The following SMURF2 variants were observed in gnomAD, a reference collection of about 807,000 sequenced individuals.
The protein encoded by SMURF2 is E3 ubiquitin-protein ligase SMURF2.
Under a neutral mutation model 109.6 loss-of-function variants are expected in SMURF2, and 48 were observed. The ratio of observed to expected loss-of-function variants is 0.44; its 90% CI spans 0.35 to 0.56. The LOEUF is 0.56. SMURF2 is among the 20% of genes least tolerant of loss of function. The pLI, the probability that SMURF2 is intolerant of heterozygous loss-of-function variation, is 0.01. For missense variants in SMURF2, 575 were observed against 909.0 expected (o/e 0.63, Z 4.72); for synonymous variants, 288 against 317.1 (o/e 0.91, Z 0.97).
chr17:64,617,315 A>T (rs1970140199), intron 1 of SMURF2, among the ~76,000 whole-genome samples: 1 of 152,082 alleles, frequency 6.6e-6, no homozygotes, highest in Non-Finnish European at 1.5e-5. Flanking sequence ...CTGCAAAACA[A>T]ACTAGGCCCT....
chr17:64,625,293 A>T (rs1970253384), intron 1 of SMURF2, among the ~76,000 whole-genome samples: 1 of 152,206 alleles, frequency 6.6e-6, no homozygotes, highest in Non-Finnish European at 1.5e-5. Context: ...AGATAAAGGG[A>T]ATCTGCAGTG....
At chr17:64,564,512 G>A (rs1555684784) in intron 10 of SMURF2, among the ~76,000 whole-genome samples, 1 of 152,130 alleles carries the variant, frequency 6.6e-6, no homozygotes, top group African/African-American at 2.4e-5. Context: ...TTGGAAATAA[G>A]GTCTTTGCAG....
chr17:64,633,487 G>A (rs1433845647), intron 1 of SMURF2, among the ~76,000 whole-genome samples: 1 of 151,984 alleles, frequency 6.6e-6, no homozygotes, highest in Non-Finnish European at 1.5e-5. Flanking sequence ...TTTATTAGCT[G>A]GGTAAAAATA....
chr17:64,543,350 C>G lies in SMURF2; in HGVS notation c.*2498G>C, dbSNP rs1555682798. 1 of 151,206 alleles carries G rather than the reference C, an allele frequency of 6.6e-6. No individual in the cohort carries two copies. The highest frequency in any genetic ancestry group is 1.5e-5 in the Non-Finnish European group (1 of 67,958). The allele number at this position is 151,206 out of a possible 1,614,324, so 9.4% of individuals were successfully genotyped here. ...AGTGCAGTGGTGCGATCTCGGCTCACTGCAATCTCTGCCTCCCAGATTCAA... is the reference window on the plus strand; with the variant it reads ...AGTGCAGTGGTGCGATCTCGGCTCAGTGCAATCTCTGCCTCCCAGATTCAA... On this transcript the variant is annotated 3_prime_UTR_variant, in exon 19 of 19. Coordinates refer to ENST00000262435, the MANE Select transcript of SMURF2 (RefSeq NM_022739.4).
chr17:64,659,648 C>G (rs1489634815), intron 1 of SMURF2, among the ~76,000 whole-genome samples: 1 of 151,880 alleles, frequency 6.6e-6, no homozygotes, highest in African/African-American at 2.4e-5. Flanking sequence ...ACAGCCCTGT[C>G]ATTTATCCAG....
chr17:64,549,770 AAAGAAAAAAGAG>A, intron 16 of SMURF2, among the ~76,000 whole-genome samples: 1 of 152,290 alleles, frequency 6.6e-6, no homozygotes, highest in Admixed American at 6.5e-5. Flanking sequence ...CAAATAAAAA[AAAGAAAAAAGAG>A]AAGAAAAACA....
intron 8 of SMURF2, among the ~76,000 whole-genome samples, 166 bp downstream of exon 8, chr17:64,580,623 G>C (rs927613755): frequency 5.9e-5 from 9 of 152,180 alleles, no homozygotes; most frequent in African/African-American, 1.9e-4. Context: ...TGGTTAGGTA[G>C]TCATCTACCA....
rs1254814656 is a variant in SMURF2 at position 64,544,164 on chromosome 17, A to G, written c.*1684T>C. On this transcript the variant is annotated 3_prime_UTR_variant, in exon 19 of 19. Coordinates refer to ENST00000262435, the MANE Select transcript of SMURF2 (RefSeq NM_022739.4). ...ATGAAAGCTTACTTGAAATTCCAAT[A>G]TACATAAGAAAAATGGGCTGTTCTG... 6.6e-6 allele frequency: 1 copy of G among 152,132 alleles called. No individual in the cohort carries two copies. Among genetic ancestry groups the G allele is most frequent in the Non-Finnish European group, 1.5e-5 (1 of 68,038 alleles). 9.4% of individuals were successfully genotyped at this position (152,132 alleles called of 1,614,324 possible).
At chr17:64,580,667 A>G (rs1206950309) in intron 8 of SMURF2, 122 bp downstream of exon 8, 4 of 1,019,458 alleles carry the variant, frequency 3.9e-6, no homozygotes, top group South Asian at 1.6e-5. Flanking sequence ...GAGGTTTTAT[A>G]TTTATTTTCA....
chr17:64,639,620 T>C (rs1970468208), intron 1 of SMURF2, among the ~76,000 whole-genome samples: 1 of 151,952 alleles, frequency 6.6e-6, no homozygotes, highest in South Asian at 2.1e-4. Flanking sequence ...AAAGAGATAA[T>C]AGCAACTGGA....
chr17:64,565,703 T>C (rs1386456039), intron 10 of SMURF2, among the ~76,000 whole-genome samples: 1 of 152,002 alleles, frequency 6.6e-6, no homozygotes, highest in Non-Finnish European at 1.5e-5. Context: ...TGTAACTGCT[T>C]GAGGCCCCAT....
At chr17:64,634,400 G>A (rs1292357565) in intron 1 of SMURF2, among the ~76,000 whole-genome samples, 2 of 152,118 alleles carry the variant, frequency 1.3e-5, no homozygotes, top group Non-Finnish European at 2.9e-5. Flanking sequence ...TGCCTAGGAT[G>A]AGGCATGTAT....
intron 1 of SMURF2, among the ~76,000 whole-genome samples, chr17:64,607,053 T>C (rs1262591391): frequency 6.6e-6 from 1 of 151,014 alleles, no homozygotes; most frequent in Non-Finnish European, 1.5e-5. Context: ...GCTTTCCTGA[T>C]ATAGATGAGT....
At chr17:64,565,883 T>G (rs1007773803) in intron 10 of SMURF2, among the ~76,000 whole-genome samples, 16 of 152,044 alleles carry the variant, frequency 1.1e-4, no homozygotes, top group Admixed American at 9.2e-4. Context: ...AAAAACTGAC[T>G]AAAATGCTTT....
chr17:64,660,498 T>C (rs1287142646), intron 1 of SMURF2, among the ~76,000 whole-genome samples: 2 of 152,206 alleles, frequency 1.3e-5, no homozygotes, highest in African/African-American at 4.8e-5. Flanking sequence ...AAAACTGCCA[T>C]GAAAGTAATA....
At chr17:64,559,771 C>T (rs1401606262) in intron 12 of SMURF2, among the ~76,000 whole-genome samples, 3 of 148,224 alleles carry the variant, frequency 2.0e-5, no homozygotes, top group East Asian at 2.0e-4. Flanking sequence ...TTTTTTGAGA[C>T]GGAGTCACAC....
intron 12 of SMURF2, chr17:64,560,966 C>CAAAAAAAAA (rs782010996): frequency 3.4e-5 from 2 of 59,594 alleles, no homozygotes; most frequent in South Asian, 7.3e-4. Flanking sequence ...ACCCTGTCTC[C>CAAAAAAAAA]AAAAAAAAAA....
chr17:64,601,965 A>T (rs1555688624), intron 2 of SMURF2, among the ~76,000 whole-genome samples: 1 of 151,038 alleles, frequency 6.6e-6, no homozygotes. Context: ...ACACACACAC[A>T]CACCACATAT....
chr17:64,606,275 C>A (rs782226513), intron 2 of SMURF2, among the ~76,000 whole-genome samples: 3 of 152,096 alleles, frequency 2.0e-5, no homozygotes, highest in Admixed American at 2.0e-4. Flanking sequence ...AAAGTGTTCA[C>A]AAAATAATCT....
Sources: gnomAD v4.1 joint callset for allele counts (sites outside exome capture counted in the v4.1 genomes callset) on GRCh38, gnomAD v4.1.1 for gene constraint, MANE v1.5 for transcripts, NCBI Gene and HGNC (gene_info 2026-07-23, HGNC 2026-07-21) for gene names.